Variants in CECR2 observed in about 807,000 individuals in gnomAD.
CECR2 encodes CECR2 histone acetyl-lysine reader.
A neutral mutation model predicts 154.5 loss-of-function variants in CECR2; 30 were observed. The observed-to-expected ratio is 0.19, with a 90% CI of 0.15 to 0.26. CECR2 has a LOEUF of 0.26. Among genes scored for constraint, CECR2 ranks in the 10% least tolerant of loss-of-function variants. The pLI is 1.00. For missense variants in CECR2, 1,743 were observed against 1,829.3 expected, an observed-to-expected ratio of 0.95 and a Z score of 0.86; for synonymous variants, 725 against 683.7, an observed-to-expected ratio of 1.06 and a Z score of -0.94.
intron 1 of CECR2, among the ~76,000 whole-genome samples, chr22:17,414,781 G>A (rs77104515): frequency 2.0e-5 from 3 of 151,996 alleles, no homozygotes; most frequent in Non-Finnish European, 4.4e-5. Flanking sequence ...TCTAGGACGG[G>A]AGAAAAATGG....
intron 1 of CECR2, among the ~76,000 whole-genome samples, chr22:17,465,442 G>A (rs2055015310): frequency 6.6e-6 from 1 of 152,110 alleles, no homozygotes; most frequent in African/African-American, 2.4e-5. Flanking sequence ...TGATTCTCAT[G>A]CCTCAGCCTC....
intron 5 of CECR2, among the ~76,000 whole-genome samples, chr22:17,501,225 G>A (rs1336491277): frequency 6.6e-6 from 1 of 152,084 alleles, no homozygotes; most frequent in Non-Finnish European, 1.5e-5. Flanking sequence ...GATAACTCAG[G>A]ACAAGTGGCT....
At chr22:17,397,126 TTTTA>T in intron 1 of CECR2, among the ~76,000 whole-genome samples, 1 of 152,108 alleles carries the variant, frequency 6.6e-6, no homozygotes, top group Non-Finnish European at 1.5e-5. Flanking sequence ...AGCTTTTTTT[TTTTA>T]TTTATTTTAT....
intron 1 of CECR2, among the ~76,000 whole-genome samples, chr22:17,383,985 T>C (rs942667139): frequency 1.3e-5 from 2 of 152,164 alleles, no homozygotes; most frequent in African/African-American, 2.4e-5. Context: ...GGTCCACTTC[T>C]AATTCTATTT....
At chr22:17,371,346 G>T (rs1354277396) in intron 1 of CECR2, among the ~76,000 whole-genome samples, 1 of 152,166 alleles carries the variant, frequency 6.6e-6, no homozygotes, top group Non-Finnish European at 1.5e-5. Context: ...GAGGAAATGT[G>T]GGCTTCTCCA....
At chr22:17,425,096 G>T (rs1411251628) in intron 1 of CECR2, among the ~76,000 whole-genome samples, 2 of 152,178 alleles carry the variant, frequency 1.3e-5, no homozygotes, top group Non-Finnish European at 2.9e-5. Flanking sequence ...TGCTAAGAAA[G>T]TGTCTTGTGC....
chr22:17,542,007 C>T, intron 15 of CECR2, 40 bp downstream of exon 15: 3 of 1,593,946 alleles, frequency 1.9e-6, no homozygotes, highest in South Asian at 1.1e-5. Flanking sequence ...CAGGGGGTCC[C>T]ACAGGTACGT....
At chr22:17,513,430 G>A (rs1002439279) in intron 8 of CECR2, among the ~76,000 whole-genome samples, 1 of 152,172 alleles carries the variant, frequency 6.6e-6, no homozygotes, top group Non-Finnish European at 1.5e-5. Context: ...GTGACGACAC[G>A]ATGTTCTATT....
At chr22:17,402,878 C>T (rs1237835798) in intron 1 of CECR2, among the ~76,000 whole-genome samples, 1 of 152,102 alleles carries the variant, frequency 6.6e-6, no homozygotes, top group East Asian at 1.9e-4. Context: ...CTGCCTCAGC[C>T]TCCTGAGTGG....
At chr22:17,460,412 G>T (rs1040567259) in intron 1 of CECR2, among the ~76,000 whole-genome samples, 4 of 152,190 alleles carry the variant, frequency 2.6e-5, no homozygotes, top group African/African-American at 9.7e-5. Context: ...ATTTCGCCAT[G>T]TTGGCCAGGC....
chr22:17,500,583 C>T (rs753149928), intron 4 of CECR2, 48 bp from the exon 5 acceptor site: 4 of 1,295,816 alleles, frequency 3.1e-6, no homozygotes, highest in African/African-American at 1.5e-5. Flanking sequence ...TCATATGTAG[C>T]AATGCCAATC....
chr22:17,391,715 A>G (rs973704933), intron 1 of CECR2, among the ~76,000 whole-genome samples: 26 of 152,180 alleles, frequency 1.7e-4, no homozygotes, highest in African/African-American at 4.8e-4. Flanking sequence ...ATGATCACAT[A>G]TTATTTTGAA....
intron 1 of CECR2, among the ~76,000 whole-genome samples, chr22:17,466,316 C>T (rs542013095): frequency 1.6e-4 from 25 of 152,268 alleles, no homozygotes; most frequent in African/African-American, 4.8e-4. Flanking sequence ...TATTTATTGT[C>T]GTTTCCCTCA....
At chr22:17,552,207 A>G in intron 18 of CECR2, 65 bp downstream of exon 18, 1 of 1,412,352 alleles carries the variant, frequency 7.1e-7, no homozygotes, top group South Asian at 1.2e-5. Context: ...AGTATATGAC[A>G]ACCTTGCTGT....
chr22:17,551,654 TAAAG>T (rs972918659), intron 17 of CECR2, among the ~76,000 whole-genome samples: 1 of 151,768 alleles, frequency 6.6e-6, no homozygotes, highest in African/African-American at 2.4e-5. Flanking sequence ...CTAGTGAAAA[TAAAG>T]AACTTAGCCA....
chr22:17,378,300 T>G (rs2063144324), intron 1 of CECR2, among the ~76,000 whole-genome samples: 1 of 149,516 alleles, frequency 6.7e-6, no homozygotes, highest in Non-Finnish European at 1.5e-5. Flanking sequence ...TGTTTTTTTG[T>G]TTTTTTGTTT....
upstream of CECR2, among the ~76,000 whole-genome samples, chr22:17,368,096 C>T (rs554446141): frequency 6.6e-6 from 1 of 152,192 alleles, no homozygotes; most frequent in South Asian, 2.1e-4. Flanking sequence ...ACAGAAGATG[C>T]ACGTGAATAT....
At chr22:17,432,544 C>T (rs2054441388) in intron 1 of CECR2, among the ~76,000 whole-genome samples, 1 of 152,200 alleles carries the variant, frequency 6.6e-6, no homozygotes, top group Admixed American at 6.5e-5. Context: ...GAAGAACTGC[C>T]AGACTTTTCC....
intron 1 of CECR2, among the ~76,000 whole-genome samples, chr22:17,360,546 G>A (rs1476520587): frequency 6.6e-6 from 1 of 152,112 alleles, no homozygotes; most frequent in Non-Finnish European, 1.5e-5. Flanking sequence ...AGCCAAGCAT[G>A]GTGGCTCGTA....
Sources: gnomAD v4.1 joint callset for allele counts (sites outside exome capture counted in the v4.1 genomes callset) on GRCh38, gnomAD v4.1.1 for gene constraint, MANE v1.5 for transcripts, NCBI Gene and HGNC (gene_info 2026-07-23, HGNC 2026-07-21) for gene names.